Variants in SNTG2 observed in about 807,000 individuals in gnomAD.
SNTG2 encodes the protein gamma-2-syntrophin.
Under a neutral mutation model 70.9 loss-of-function variants are expected in SNTG2, and 74 were observed. The ratio of observed to expected loss-of-function variants is 1.04; its 90% CI spans 0.86 to 1.27. The LOEUF (loss-of-function observed/expected upper bound fraction) is 1.27. Ranked by LOEUF, SNTG2 falls within the 50% of genes most tolerant of loss-of-function variation. The probability of loss-of-function intolerance (pLI) is 0.00; values close to 1 mark genes in which losing one functional copy is unlikely to be tolerated. For synonymous variants in SNTG2, 278 were observed against 273.8 expected (o/e 1.02, Z -0.15); for missense variants, 717 against 690.7 (o/e 1.04, Z -0.43).
rs147229057 is a variant in SNTG2, at chr2:1,021,416, C to T, written c.73-62102C>T. On this transcript the variant is annotated intron_variant, in intron 1 of 16. Transcript: ENST00000308624. ...TCCAGAAATGGCATGCCCCATTTTC[C>T]AAGGAGATATATTGCTTTTTAAAAT... 3.9e-5 allele frequency among the ~76,000 whole-genome samples: 6 copies of T among 152,164 alleles called. No individual in the cohort carries two copies. The East Asian group carries it at 1.2e-3, about 29-fold the overall frequency.
chr2:1,155,296 A>C lies in SNTG2; in HGVS notation c.412-10252A>C, dbSNP rs550133376. ...CACCCCACATAACATACACATACCC[A>C]CATGTACACACACATTCACACCACA... On this transcript the variant is annotated intron_variant, in intron 6 of 16. Transcript: ENST00000308624. 7.5e-4 allele frequency among the ~76,000 whole-genome samples: 113 copies of C among 151,332 alleles called. 2 individuals are homozygous for C. In the South Asian group the frequency reaches 0.02, roughly 27 times the overall value.
intron 9 of SNTG2, among the ~76,000 whole-genome samples, chr2:1,233,520 C>G (rs116525877): frequency 6.6e-6 from 1 of 152,110 alleles, no homozygotes; most frequent in African/African-American, 2.4e-5. Flanking sequence ...GGGCTTTTCC[C>G]GGCAGGAGCC....
chr2:1,236,851 AT>A (rs1171034072), intron 9 of SNTG2, among the ~76,000 whole-genome samples: 1 of 152,180 alleles, frequency 6.6e-6, no homozygotes. Context: ...TTTTAAAAAA[AT>A]ATGTTTGCTT....
At chr2:1,054,958 T>TG (rs57729234) in intron 1 of SNTG2, among the ~76,000 whole-genome samples, 61 of 147,730 alleles carry the variant, frequency 4.1e-4, no homozygotes, top group South Asian at 2.4e-3. Context: ...TTTTTGTTTT[T>TG]TTTTCCCTAT....
chr2:1,095,364 T>C (rs1665325204), intron 2 of SNTG2, among the ~76,000 whole-genome samples: 1 of 152,190 alleles, frequency 6.6e-6, no homozygotes. Context: ...AATACCTAAA[T>C]GGCTAGTACA....
intron 4 of SNTG2, among the ~76,000 whole-genome samples, chr2:1,117,993 C>T (rs1404173710): frequency 6.6e-6 from 1 of 152,084 alleles, no homozygotes; most frequent in Non-Finnish European, 1.5e-5. Context: ...CATGACAGTG[C>T]TATGTCCAGC....
At chr2:1,241,820 T>C (rs926287365) in intron 11 of SNTG2, among the ~76,000 whole-genome samples, 9 of 152,158 alleles carry the variant, frequency 5.9e-5, no homozygotes, top group Non-Finnish European at 7.3e-5. Context: ...ATATTAAGCC[T>C]TGTGTATTTC....
At chr2:1,125,081 G>A (rs1667619105) in intron 4 of SNTG2, among the ~76,000 whole-genome samples, 1 of 152,038 alleles carries the variant, frequency 6.6e-6, no homozygotes, top group Admixed American at 6.6e-5. Context: ...ATTATTAATA[G>A]TAACAAAAAT....
At chr2:1,096,676 T>C (rs113690454) in intron 2 of SNTG2, among the ~76,000 whole-genome samples, 51 of 152,336 alleles carry the variant, frequency 3.3e-4, no homozygotes, top group African/African-American at 1.2e-3. Context: ...GGCTGAAGGA[T>C]GTTCCATTCG....
chr2:1,342,132 G>C (rs1455012961), intron 16 of SNTG2, among the ~76,000 whole-genome samples: 1 of 152,216 alleles, frequency 6.6e-6, no homozygotes, highest in African/African-American at 2.4e-5. Flanking sequence ...ATGCAAATCA[G>C]AGCCTTCGTA....
chr2:1,272,463 T>TAAAAAAAAAA lies in SNTG2; in HGVS notation c.1284+4905_1284+4914dup, dbSNP rs577563977. On this transcript the variant is annotated intron_variant, in intron 14 of 16. Coordinates refer to ENST00000308624, the MANE Select transcript of SNTG2 (RefSeq NM_018968.4). Reference sequence around the variant, plus strand: ...CTAACAGGCCACAGACTGGTACTGGTAAAAAAAAAAAAAAAAAAAAAAGGA... The same window carrying TAAAAAAAAAA: ...CTAACAGGCCACAGACTGGTACTGGTAAAAAAAAAAAAAAAAAAAAAAAAAAAAAAAAGGA... Among the ~76,000 whole-genome samples, 4 of 51,894 alleles carry TAAAAAAAAAA rather than the reference T, an allele frequency of 7.7e-5. 1 individual carries two copies. The highest frequency in any genetic ancestry group is 3.8e-4 in the African/African-American group (4 of 10,654). The allele number at this position is 51,894 out of a possible 152,430, so 34.0% of individuals were successfully genotyped here. A position where few individuals can be genotyped will look rare whatever the true frequency, so the allele number is the denominator to read the frequency against.
chr2:960,831 C>G (rs533439075), intron 1 of SNTG2, among the ~76,000 whole-genome samples: 36 of 151,920 alleles, frequency 2.4e-4, no homozygotes, highest in Middle Eastern at 6.8e-3. Flanking sequence ...ACGGTGAGCT[C>G]TGAGGGTTCC....
At chr2:1,219,304 C>G (rs546739486) in intron 9 of SNTG2, among the ~76,000 whole-genome samples, 1 of 152,194 alleles carries the variant, frequency 6.6e-6, no homozygotes, top group African/African-American at 2.4e-5. Context: ...ACCTGTGCCA[C>G]CAGAGCCAAG....
intron 6 of SNTG2, among the ~76,000 whole-genome samples, chr2:1,157,089 G>A (rs191638484): frequency 3.9e-5 from 6 of 152,248 alleles, no homozygotes; most frequent in East Asian, 1.9e-4. Flanking sequence ...CTTCAATCCC[G>A]TACATTACTG....
intron 1 of SNTG2, among the ~76,000 whole-genome samples, chr2:976,992 A>G: frequency 6.6e-6 from 1 of 152,090 alleles, no homozygotes; most frequent in Non-Finnish European, 1.5e-5. Flanking sequence ...GGATTTCTCA[A>G]GGATTGGAGG....
chr2:1,069,912 G>A (rs1402585867), intron 1 of SNTG2, among the ~76,000 whole-genome samples: 1 of 152,120 alleles, frequency 6.6e-6, no homozygotes, highest in Non-Finnish European at 1.5e-5. Context: ...ACCTCACCCA[G>A]GAATCCCGGG....
intron 11 of SNTG2, chr2:1,242,848 A>T (rs1677138772): frequency 6.6e-6 from 1 of 152,242 alleles, no homozygotes. Flanking sequence ...ATCAGAAAAG[A>T]TAAAAAATAT....
intron 1 of SNTG2, among the ~76,000 whole-genome samples, chr2:1,076,139 T>C (rs1167575054): frequency 6.6e-6 from 1 of 152,230 alleles, no homozygotes; most frequent in Non-Finnish European, 1.5e-5. Context: ...AGTATACAGA[T>C]GTATTTCCAT....
chr2:1,312,252 C>T (rs550614646), intron 15 of SNTG2, among the ~76,000 whole-genome samples: 22 of 152,200 alleles, frequency 1.4e-4, no homozygotes, highest in African/African-American at 4.8e-4. Flanking sequence ...CTAGAACACC[C>T]CCTAGCTGCT....
Sources: allele counts gnomAD v4.1 joint callset (sites outside exome capture counted in the v4.1 genomes callset), GRCh38; gene constraint gnomAD v4.1.1; transcripts MANE v1.5; gene names NCBI Gene and HGNC (gene_info 2026-07-23, HGNC 2026-07-21).